ATRIP: variants seen among roughly 807,000 people sequenced by gnomAD.
ATRIP encodes ATR-interacting protein.
In ATRIP, 44 loss-of-function variants were observed where a neutral mutation model predicts 78.1. The ratio of observed to expected loss-of-function variants is 0.56; its 90% CI spans 0.44 to 0.72. ATRIP has a LOEUF of 0.72. Ranked by LOEUF, ATRIP falls within the 30% of genes least tolerant of loss-of-function variation. The pLI is 0.00. For synonymous variants in ATRIP, 388 were observed against 408.9 expected (o/e 0.95, Z 0.62); for missense variants, 927 against 980.2 (o/e 0.95, Z 0.72).
chr3:48,466,666 A>G lies in ATRIP; in HGVS notation c.*1112A>G. 1 of 1,613,416 alleles carries G rather than the reference A, an allele frequency of 6.2e-7. No homozygotes were observed. The highest frequency in any genetic ancestry group is 8.5e-7 in the Non-Finnish European group (1 of 1,179,888). On this transcript the variant is annotated 3_prime_UTR_variant, in exon 13 of 13. Coordinates refer to ENST00000320211, the MANE Select transcript of ATRIP (RefSeq NM_130384.3). Reference sequence around the variant, plus strand: ...GGTACGTACCCAACCATGGGCTCGCAGGCCCTGCCCCCGGGGCCCATGCAG... The same window carrying G: ...GGTACGTACCCAACCATGGGCTCGCGGGCCCTGCCCCCGGGGCCCATGCAG...
At position 48,465,688 on chromosome 3, in the gene ATRIP, C is replaced by T. The variant is rs182124981; in HGVS notation, c.*134C>T. On this transcript the variant is annotated 3_prime_UTR_variant, in exon 13 of 13. Transcript: ENST00000320211. Reference sequence around the variant, plus strand: ...TGTTTCCTGAGTCTGATCTGTTTGGCGGAGTGGGAGGGGTGGAGCAGGACC... The same window carrying T: ...TGTTTCCTGAGTCTGATCTGTTTGGTGGAGTGGGAGGGGTGGAGCAGGACC... 1.7e-4 allele frequency: 161 copies of T among 920,158 alleles called. 2 individuals carry two copies. The highest frequency in any genetic ancestry group is 1.0e-3 in the South Asian group (68 of 65,058). The allele number at this position is 920,158 out of a possible 1,614,324, so 57.0% of individuals were successfully genotyped here.
Position 48,460,752 on chromosome 3 carries a change from G to C in ATRIP, c.1698G>C (p.Lys566Asn). 1 of 1,604,474 alleles carries C rather than the reference G, an allele frequency of 6.2e-7. No individual in the cohort carries two copies. Among genetic ancestry groups the C allele is most frequent in the Non-Finnish European group, 8.5e-7 (1 of 1,171,988 alleles). Residue 566 changes from lysine (K) to asparagine (N), a missense_variant, in exon 8 of 13, where the codon AAG (lysine) becomes AAC (asparagine). By Grantham distance (94) the Lys-to-Asn change is moderately conservative (BLOSUM62 0). Transcript: ENST00000320211. ...CCAGTGTCCTGACCCAGTGCCTTAA[G>C]GTTTTGGTGAAATTAGCCGAAAACA... ...LQASVLTQCL[K>N]VLVKLAENTS...
rs574644737 is a variant in ATRIP, at chr3:48,461,932, C to T, written c.1745+1133C>T. The stretch of plus-strand genomic sequence containing the variant: ...TGTTGGCCAGGCTTGTCTCAAATGC[C>T]GGACCTCAGGTGATCCACCTGCCTT... On this transcript the variant is annotated intron_variant, in intron 8 of 12. Coordinates refer to ENST00000320211, the MANE Select transcript of ATRIP (RefSeq NM_130384.3). Among the ~76,000 whole-genome samples, 3 of 152,238 alleles carry T rather than the reference C, an allele frequency of 2.0e-5. No individual in the cohort carries two copies. In the South Asian group the frequency reaches 6.2e-4, roughly 32 times the overall value.
chr3:48,460,832 TGG>T, intron 8 of ATRIP, 33 bp downstream of exon 8: 1 of 1,555,552 alleles, frequency 6.4e-7, no homozygotes, highest in East Asian at 2.3e-5. Flanking sequence ...TGATTCTTTG[TGG>T]GTCTCACCTG....
At chr3:48,463,595 C>A in intron 8 of ATRIP, 150 bp from the exon 9 acceptor site, 1 of 1,046,572 alleles carries the variant, frequency 9.6e-7, no homozygotes, top group African/African-American at 1.6e-5. Flanking sequence ...AAGTAGGGGT[C>A]AGGCCAGCAC....
chr3:48,459,709 T>C, intron 6 of ATRIP, 78 bp from the exon 7 acceptor site: 1 of 1,561,760 alleles, frequency 6.4e-7, no homozygotes, highest in Non-Finnish European at 8.7e-7. Flanking sequence ...ATCCAAAGAA[T>C]CCTTACTGTT....
intron 2 of ATRIP, chr3:48,450,589 ATTTTTT>A (rs756559976): frequency 4.9e-5 from 48 of 985,722 alleles, no homozygotes; most frequent in Admixed American, 1.1e-4. Flanking sequence ...TGTGACCCAG[ATTTTTT>A]TTTTTTTTTT....
chr3:48,467,642 C>T lies in ATRIP; in HGVS notation c.*2088C>T, dbSNP rs750630658. The T allele has an allele frequency of 6.3e-7, 1 of 1,588,004 alleles. No homozygotes were observed. Among genetic ancestry groups the T allele is most frequent in the East Asian group, 2.2e-5 (1 of 44,656 alleles). ...TGACGAATAAAGACCCCCGCTGCCC[C>T]ATAGCACTGAGTGGTCAATTGGCTC... On this transcript the variant is annotated 3_prime_UTR_variant, in exon 13 of 13. Transcript: ENST00000320211.
chr3:48,463,691 G>T, intron 8 of ATRIP, 54 bp from the exon 9 acceptor site: 1 of 1,608,160 alleles, frequency 6.2e-7, no homozygotes, highest in Non-Finnish European at 8.5e-7. Flanking sequence ...GTGAAGGTAG[G>T]TTATGGAGCT....
rs2040274013 is a variant in ATRIP at position 48,465,908 on chromosome 3, C to G, written c.*354C>G. 3.4e-6 allele frequency: 1 copy of G among 298,384 alleles called. No homozygotes were observed. The highest frequency in any genetic ancestry group is 2.2e-5 in the African/African-American group (1 of 45,974). 18.5% of individuals were successfully genotyped at this position (298,384 alleles called of 1,614,324 possible). A position where few individuals can be genotyped will look rare whatever the true frequency, so the allele number is the denominator to read the frequency against. ...AGGTGGCTCTTGGCCCAGGCCTAAA[C>G]CAGGAAAGCCTGGGAAACTGGGACC... On this transcript the variant is annotated 3_prime_UTR_variant, in exon 13 of 13. Transcript: ENST00000320211.
rs1196476003 is a variant in ATRIP, at chr3:48,458,101, G to A, written c.829+685G>A. Among the ~76,000 whole-genome samples the A allele has an allele frequency of 4.8e-5, 7 of 147,202 alleles. No individual in the cohort carries two copies. In the South Asian group the frequency reaches 8.6e-4, roughly 18 times the overall value. On this transcript the variant is annotated intron_variant, in intron 5 of 12. Coordinates refer to ENST00000320211, the MANE Select transcript of ATRIP (RefSeq NM_130384.3). ...GCCTTTTTTTTTTTTTTTTTGAGGC[G>A]GAGTCTCACCCTGTCACCCAGGCTG...
intron 5 of ATRIP, among the ~76,000 whole-genome samples, chr3:48,458,395 T>C (rs950862039): frequency 3.3e-5 from 5 of 151,756 alleles, no homozygotes; most frequent in Non-Finnish European, 7.4e-5. Flanking sequence ...TGATCTCGGC[T>C]CACTGTAACC....
rs763495107 is a variant in ATRIP, at chr3:48,459,469, G to C, written c.925+15G>C. On this transcript the variant is annotated intron_variant, in intron 6 of 12. Transcript: ENST00000320211. ...AAACACTCAAGGTACCAGAATCCCT[G>C]CTTCTCCTGCAGGGGCCTGCATGGC... 7 of 1,609,408 alleles carry C rather than the reference G, an allele frequency of 4.3e-6. No homozygotes were observed. The highest frequency in any genetic ancestry group is 6.0e-6 in the Non-Finnish European group (7 of 1,175,940).
chr3:48,460,531 G>A lies in ATRIP; in HGVS notation c.1477G>A (p.Val493Ile), dbSNP rs199783860. The A allele has an allele frequency of 2.9e-5, 47 of 1,614,028 alleles. No homozygotes were observed. In the Middle Eastern group the frequency reaches 1.8e-3, roughly 62 times the overall value. The change falls in exon 8 of 13, where the codon GTC becomes ATC. Residue 493 changes from valine to isoleucine, a missense_variant. By Grantham distance (29) the Val-to-Ile change is conservative (BLOSUM62 3). Transcript: ENST00000320211. ...QHLVCHSGAVVSLLLSGVGAD... is the reference protein window; with the variant it reads ...QHLVCHSGAVISLLLSGVGAD... The stretch of plus-strand genomic sequence containing the variant: ...CCTGGTGTGCCACAGCGGAGCAGTC[G>A]TCTCCCTATTACTGTCAGGAGTGGG...
At chr3:48,456,170 T>C (rs2039950525) in intron 4 of ATRIP, among the ~76,000 whole-genome samples, 2 of 151,838 alleles carry the variant, frequency 1.3e-5, no homozygotes, top group African/African-American at 4.8e-5. Flanking sequence ...GCACCAGGCA[T>C]GGTAGCTACA....
chr3:48,460,208 G>A lies in ATRIP; in HGVS notation c.1154G>A (p.Gly385Glu). The change falls in exon 8 of 13, where the codon GGA becomes GAA. Residue 385 changes from glycine to glutamate, a missense_variant. Gly to Glu is a moderately conservative substitution (Grantham distance 98). Transcript: ENST00000320211. ...GAAGCACAGAACCTGGCATTCACTGGACTGAATCTGGTTGCCCGGAATGAG... is the reference window on the plus strand; with the variant it reads ...GAAGCACAGAACCTGGCATTCACTGAACTGAATCTGGTTGCCCGGAATGAG... ...LREAQNLAFTGLNLVARNECS... is the reference protein window; with the variant it reads ...LREAQNLAFTELNLVARNECS... 1 of 1,614,014 alleles carries A rather than the reference G, an allele frequency of 6.2e-7. No individual in the cohort carries two copies. The highest frequency in any genetic ancestry group is 8.5e-7 in the Non-Finnish European group (1 of 1,179,928).
At chr3:48,447,304 A>G in intron 1 of ATRIP, 1 of 1,238,722 alleles carries the variant, frequency 8.1e-7, no homozygotes, top group East Asian at 3.3e-5. Context: ...GATTTGAAAC[A>G]CAGAAGGCTA....
intron 5 of ATRIP, among the ~76,000 whole-genome samples, chr3:48,458,777 C>A (rs780166073): frequency 6.6e-6 from 1 of 152,200 alleles, no homozygotes. Flanking sequence ...CCTCTTCTTA[C>A]CATCAACCTT....
In ATRIP at chr3:48,450,081, C is replaced by A. The variant is rs745473839; in HGVS notation, c.292C>A (p.Pro98Thr). ...HRLLDGMSKNPSGKNRETVPI... is the reference protein window; with the variant it reads ...HRLLDGMSKNTSGKNRETVPI... ...ATTATTAGATGGCATGTCAAAAAAT[C>A]CTTCAGGGAAAAACAGAGAAACTGT... The change falls in exon 2 of 13, where the codon CCT (proline) becomes ACT (threonine). Residue 98 changes from proline (P) to threonine (T), a missense_variant. Coordinates refer to ENST00000320211, the MANE Select transcript of ATRIP (RefSeq NM_130384.3). The A allele has an allele frequency of 6.2e-7, 1 of 1,613,428 alleles. No homozygotes were observed. The highest frequency in any genetic ancestry group is 1.7e-5 in the Admixed American group (1 of 59,964).
Sources: gnomAD v4.1 joint callset for allele counts (sites outside exome capture counted in the v4.1 genomes callset) on GRCh38, gnomAD v4.1.1 for gene constraint, MANE v1.5 for transcripts, NCBI Gene and HGNC (gene_info 2026-07-23, HGNC 2026-07-21) for gene names.